The following SPIDR variants were observed in gnomAD, a reference collection of about 807,000 sequenced individuals.
The protein encoded by SPIDR is scaffold protein involved in DNA repair.
SPIDR carries 93 observed loss-of-function variants against 104.6 expected under a neutral mutation model. The ratio of observed to expected loss-of-function variants is 0.89; its 90% confidence interval spans 0.75 to 1.06. SPIDR has a LOEUF of 1.06. SPIDR is among the 50% of genes least tolerant of loss of function. The probability of loss-of-function intolerance (pLI) is 0.00; values close to 1 mark genes in which losing one functional copy is unlikely to be tolerated. For missense variants in SPIDR, 1,154 were observed against 1,111.2 expected (o/e 1.04, Z -0.55); for synonymous variants, 431 against 416.9 (o/e 1.03, Z -0.41).
intron 8 of SPIDR, among the ~76,000 whole-genome samples, chr8:47,462,951 T>C (rs2074187633): frequency 6.6e-6 from 1 of 152,154 alleles, no homozygotes; most frequent in Non-Finnish European, 1.5e-5. Flanking sequence ...ACAAATTGGG[T>C]AACCTAGATG....
chr8:47,443,642 CTT>C (rs1208982471), intron 8 of SPIDR, among the ~76,000 whole-genome samples: 3 of 132,248 alleles, frequency 2.3e-5, no homozygotes, highest in Non-Finnish European at 1.6e-5. Context: ...AAGGACTAGT[CTT>C]TTTTTTTTTT....
intron 7 of SPIDR, among the ~76,000 whole-genome samples, chr8:47,416,339 A>G (rs1328925507): frequency 6.6e-6 from 1 of 152,184 alleles, no homozygotes; most frequent in Non-Finnish European, 1.5e-5. Context: ...GATTTATCCA[A>G]GTTGTTGTGT....
chr8:47,297,960 T>G (rs2041210444), intron 5 of SPIDR, among the ~76,000 whole-genome samples: 1 of 152,210 alleles, frequency 6.6e-6, no homozygotes, highest in South Asian at 2.1e-4. Context: ...TGTAATCCTT[T>G]TGGTATATAC....
intron 1 of SPIDR, among the ~76,000 whole-genome samples, chr8:47,274,183 GT>G (rs1268021104): frequency 1.3e-5 from 2 of 152,168 alleles, no homozygotes; most frequent in Non-Finnish European, 2.9e-5. Flanking sequence ...TATATTTCAT[GT>G]TATAGCACAG....
At chr8:47,410,689 A>G (rs1310989133) in intron 7 of SPIDR, among the ~76,000 whole-genome samples, 1 of 151,962 alleles carries the variant, frequency 6.6e-6, no homozygotes, top group Non-Finnish European at 1.5e-5. Flanking sequence ...TTTAAGTTTT[A>G]GGGTACATGT....
At chr8:47,517,119 G>T (rs2083286846) in intron 8 of SPIDR, among the ~76,000 whole-genome samples, 1 of 151,830 alleles carries the variant, frequency 6.6e-6, no homozygotes, top group African/African-American at 2.4e-5. Flanking sequence ...CAAGTAGCTG[G>T]GATTACAGGA....
intron 8 of SPIDR, among the ~76,000 whole-genome samples, chr8:47,564,067 C>CTTTT (rs2057437034): frequency 8.4e-6 from 1 of 118,408 alleles, no homozygotes; most frequent in Non-Finnish European, 1.8e-5. Context: ...CTTCTTTTTT[C>CTTTT]TTTTCTTTTT....
intron 1 of SPIDR, among the ~76,000 whole-genome samples, chr8:47,265,857 C>T (rs1409050172): frequency 2.6e-5 from 4 of 152,138 alleles, no homozygotes; most frequent in Non-Finnish European, 5.9e-5. Flanking sequence ...GGTTCACAGA[C>T]AGCCATATTC....
chr8:47,615,819 G>A (rs568448374), intron 10 of SPIDR, among the ~76,000 whole-genome samples: 1 of 152,216 alleles, frequency 6.6e-6, no homozygotes, highest in African/African-American at 2.4e-5. Flanking sequence ...AGTTCATGAA[G>A]ACAAGATGCC....
intron 10 of SPIDR, among the ~76,000 whole-genome samples, chr8:47,635,920 C>T (rs907679761): frequency 4.6e-5 from 7 of 152,172 alleles, no homozygotes; most frequent in African/African-American, 1.7e-4. Context: ...TAACTATTTC[C>T]TTATATGTAG....
intron 8 of SPIDR, among the ~76,000 whole-genome samples, chr8:47,487,337 G>T (rs190580906): frequency 6.6e-6 from 1 of 152,166 alleles, no homozygotes; most frequent in Non-Finnish European, 1.5e-5. Flanking sequence ...CAGTACAGGA[G>T]CACCCAGACT....
At chr8:47,325,888 A>G (rs1554600030) in intron 5 of SPIDR, among the ~76,000 whole-genome samples, 1 of 152,230 alleles carries the variant, frequency 6.6e-6, no homozygotes, top group Non-Finnish European at 1.5e-5. Flanking sequence ...TCTAAGAGGA[A>G]GAAAGAAGTC....
intron 5 of SPIDR, among the ~76,000 whole-genome samples, chr8:47,336,045 A>T (rs1738141027): frequency 6.6e-6 from 1 of 151,748 alleles, no homozygotes; most frequent in East Asian, 1.9e-4. Flanking sequence ...AATATTTCTA[A>T]TGTCCCTTTT....
intron 14 of SPIDR, among the ~76,000 whole-genome samples, chr8:47,708,106 C>G (rs777543010): frequency 4.6e-5 from 7 of 152,196 alleles, no homozygotes; most frequent in Non-Finnish European, 8.8e-5. Flanking sequence ...TTGAAACCAG[C>G]CTGGCCAATG....
In SPIDR at chr8:47,349,274, T is replaced by C. The variant is rs900664736; in HGVS notation, c.526-47102T>C. 4.8e-4 allele frequency among the ~76,000 whole-genome samples: 73 copies of C among 152,324 alleles called. 1 individual carries two copies. The highest frequency in any genetic ancestry group is 1.8e-3 in the African/African-American group (73 of 41,584). On this transcript the variant is annotated intron_variant, in intron 5 of 19. Coordinates refer to ENST00000297423, the MANE Select transcript of SPIDR (RefSeq NM_001080394.4). ...ACCCTGTTTGCCTGGGGATCACCAG[T>C]GGAGGCTGCAGAACAGCAAATATTG...
At chr8:47,405,330 G>T (rs112505828) in intron 6 of SPIDR, among the ~76,000 whole-genome samples, 1 of 140,700 alleles carries the variant, frequency 7.1e-6, no homozygotes, top group Non-Finnish European at 1.5e-5. Context: ...GTGTATATAT[G>T]TGTGTGTGTA....
At chr8:47,654,807 T>C (rs1312201426) in intron 10 of SPIDR, among the ~76,000 whole-genome samples, 2 of 152,142 alleles carry the variant, frequency 1.3e-5, no homozygotes, top group African/African-American at 2.4e-5. Context: ...ACACGTGCCA[T>C]GTTGGTGTGC....
At chr8:47,387,973 C>T (rs2060150609) in intron 5 of SPIDR, among the ~76,000 whole-genome samples, 1 of 152,214 alleles carries the variant, frequency 6.6e-6, no homozygotes, top group Non-Finnish European at 1.5e-5. Flanking sequence ...TGTCTCTTGC[C>T]TCCCAGTATG....
intron 5 of SPIDR, among the ~76,000 whole-genome samples, chr8:47,312,991 A>C (rs1411442906): frequency 1.3e-5 from 2 of 152,262 alleles, no homozygotes; most frequent in East Asian, 1.9e-4. Flanking sequence ...CCTTTCCCGA[A>C]AACTGGCACA....
Sources: gnomAD v4.1 joint callset for allele counts (sites outside exome capture counted in the v4.1 genomes callset) on GRCh38, gnomAD v4.1.1 for gene constraint, MANE v1.5 for transcripts, NCBI Gene and HGNC (gene_info 2026-07-23, HGNC 2026-07-21) for gene names.